Variants in SMAD5 observed in about 807,000 individuals in gnomAD.
SMAD5 encodes MAD, mothers against decapentaplegic homolog 5.
Under a neutral mutation model 43.1 loss-of-function variants are expected in SMAD5, and 9 were observed. The ratio of observed to expected loss-of-function variants is 0.21; its 90% CI spans 0.13 to 0.36. The LOEUF (loss-of-function observed/expected upper bound fraction) is 0.36. Ranked by LOEUF, SMAD5 falls within the 10% of genes least tolerant of loss-of-function variation. The probability of loss-of-function intolerance (pLI) is 1.00; values close to 1 mark genes in which losing one functional copy is unlikely to be tolerated. For missense variants in SMAD5, 348 were observed against 574.0 expected, an observed-to-expected ratio of 0.61 and a Z score of 4.02; for synonymous variants, 190 against 192.4, an observed-to-expected ratio of 0.99 and a Z score of 0.10.
Position 136,180,003 on chromosome 5 carries a change from C to T in SMAD5, c.*2523C>T, listed in dbSNP as rs1308300372. The T allele has an allele frequency of 6.6e-6, 1 of 152,108 alleles. No individual in the cohort carries two copies. The highest frequency in any genetic ancestry group is 2.4e-5 in the African/African-American group (1 of 41,430). 9.4% of individuals were successfully genotyped at this position (152,108 alleles called of 1,614,324 possible). A position where few individuals can be genotyped will look rare whatever the true frequency, so the allele number is the denominator to read the frequency against. On this transcript the variant is annotated 3_prime_UTR_variant, in exon 8 of 8. Coordinates refer to ENST00000545279, the MANE Select transcript of SMAD5 (RefSeq NM_005903.7). ...GTGATTGGCCTTTTCTTTGTTTTCT[C>T]TTAGGAGTTGTGTCTCATGAATGAC...
At chr5:136,160,007 G>T (rs972815345) in intron 3 of SMAD5, among the ~76,000 whole-genome samples, 2 of 152,202 alleles carry the variant, frequency 1.3e-5, no homozygotes. Context: ...TGAAGAATCA[G>T]GTTTGTTTCA....
chr5:136,152,901 TAAA>T (rs1009918918), intron 2 of SMAD5: 4 of 152,146 alleles, frequency 2.6e-5, no homozygotes, highest in Non-Finnish European at 5.9e-5. Flanking sequence ...AAATATCACT[TAAA>T]ATAAGCCGAT....
rs1434702076 is a variant in SMAD5 at position 136,143,866 on chromosome 5, G to GT, written c.-244-3964dup. 2.0e-5 allele frequency among the ~76,000 whole-genome samples: 3 copies of GT among 151,914 alleles called. No individual in the cohort carries two copies. In the East Asian group the frequency reaches 5.8e-4, roughly 29 times the overall value. ...AACCCCCTCAACCAACTTCTTGTCT[G>GT]TTACTGGCCATTTGCAACACAGTTA... On this transcript the variant is annotated intron_variant, in intron 1 of 7. Coordinates refer to ENST00000545279, the MANE Select transcript of SMAD5 (RefSeq NM_005903.7).
At chr5:136,158,812 T>C (rs1042576530) in intron 3 of SMAD5, among the ~76,000 whole-genome samples, 5 of 151,550 alleles carry the variant, frequency 3.3e-5, no homozygotes, top group African/African-American at 1.2e-4. Context: ...GGCAGGAGAA[T>C]GGCGTGAACC....
chr5:136,140,943 A>G (rs1198059473), intron 1 of SMAD5, among the ~76,000 whole-genome samples: 2 of 152,098 alleles, frequency 1.3e-5, no homozygotes, highest in African/African-American at 4.8e-5. Context: ...ACTGTTTTTT[A>G]AAGATTATAT....
Position 136,177,500 on chromosome 5 carries a change from ATTATATTGTTAGTGGAC to A in SMAD5, c.*23_*39del. On this transcript the variant is annotated 3_prime_UTR_variant, in exon 8 of 8. Coordinates refer to ENST00000545279, the MANE Select transcript of SMAD5 (RefSeq NM_005903.7). ...TCATAATGCAGAAGTATTCTTTTCA[ATTATATTGTTAGTGGAC>A]TTGTTTTAATTTTAGAGAAACTTTG... 6.3e-7 allele frequency: 1 copy of A among 1,578,808 alleles called. No individual in the cohort carries two copies. The highest frequency in any genetic ancestry group is 1.2e-5 in the South Asian group (1 of 86,068).
Position 136,163,431 on chromosome 5 carries a change from T to C in SMAD5, c.775+40T>C, listed in dbSNP as rs761821574. 5.3e-6 allele frequency: 8 copies of C among 1,511,398 alleles called. No homozygotes were observed. In the South Asian group the frequency reaches 1.1e-4, roughly 20 times the overall value. The allele number at this position is 1,511,398 out of a possible 1,614,324, so 93.6% of individuals were successfully genotyped here. On this transcript the variant is annotated intron_variant, in intron 5 of 7. Transcript: ENST00000545279. ...CACTTCATTTATTTTATAGTAGTAG[T>C]TGTTTTTAACTTATTGGCTACTTTT...
chr5:136,169,727 C>T (rs1754147526), intron 5 of SMAD5, among the ~76,000 whole-genome samples: 1 of 152,198 alleles, frequency 6.6e-6, no homozygotes, highest in African/African-American at 2.4e-5. Flanking sequence ...TATCATTTTG[C>T]ATTCCCAACT....
chr5:136,135,419 GTGA>G (rs1752840207), intron 1 of SMAD5, among the ~76,000 whole-genome samples: 1 of 152,180 alleles, frequency 6.6e-6, no homozygotes. Context: ...ATGATTTGCA[GTGA>G]TGATCTTTTT....
At chr5:136,157,211 G>A (rs1405181254) in intron 3 of SMAD5, among the ~76,000 whole-genome samples, 1 of 152,110 alleles carries the variant, frequency 6.6e-6, no homozygotes. Flanking sequence ...TGCTCACACA[G>A]TTAGAATATA....
Position 136,161,114 on chromosome 5 carries a change from CTTTAT to C in SMAD5, c.655+14_655+18del, listed in dbSNP as rs1561651171. 6 of 1,602,278 alleles carry C rather than the reference CTTTAT, an allele frequency of 3.7e-6. No individual in the cohort carries two copies. The highest frequency in any genetic ancestry group is 3.4e-5 in the Admixed American group (2 of 58,564). ...AGTCCATTTCAGCTCCCAGGTAAGA[CTTTAT>C]TTTATTGATACCAAAAAAAAAAAAA... is the stretch of plus-strand genomic sequence containing the variant. On this transcript the variant is annotated splice_region_variant and intron_variant, in intron 4 of 7. Coordinates refer to ENST00000545279, the MANE Select transcript of SMAD5 (RefSeq NM_005903.7).
At chr5:136,134,073 A>T in intron 1 of SMAD5, 1 of 141,684 alleles carries the variant, frequency 7.1e-6, no homozygotes, top group Non-Finnish European at 1.5e-5. Flanking sequence ...GGGAGGGAGC[A>T]ATTTTGGTTG....
chr5:136,170,244 A>G (rs1010360049), intron 5 of SMAD5, among the ~76,000 whole-genome samples: 3 of 152,090 alleles, frequency 2.0e-5, no homozygotes, highest in Non-Finnish European at 4.4e-5. Context: ...TCTGTAATCC[A>G]TCTTGGGTCA....
At chr5:136,143,544 T>C (rs1753160891) in intron 1 of SMAD5, among the ~76,000 whole-genome samples, 1 of 152,124 alleles carries the variant, frequency 6.6e-6, no homozygotes, top group Admixed American at 6.6e-5. Context: ...CTTTCCCTTT[T>C]GCTTCACAGT....
chr5:136,137,709 C>A (rs1345229708), intron 1 of SMAD5, among the ~76,000 whole-genome samples: 1 of 152,156 alleles, frequency 6.6e-6, no homozygotes, highest in Non-Finnish European at 1.5e-5. Flanking sequence ...TCTTCTTAGT[C>A]ACATCTTCTG....
chr5:136,156,480 A>G (rs1232125785), intron 3 of SMAD5, among the ~76,000 whole-genome samples: 3 of 152,368 alleles, frequency 2.0e-5, no homozygotes, highest in South Asian at 4.1e-4. Flanking sequence ...AAAGGATAGC[A>G]GATAGCAGTG....
chr5:136,171,426 G>A (rs1051018827), intron 5 of SMAD5, among the ~76,000 whole-genome samples: 2 of 152,176 alleles, frequency 1.3e-5, no homozygotes, highest in African/African-American at 4.8e-5. Flanking sequence ...TTCATGTTTT[G>A]AACCAAGGCC....
intron 2 of SMAD5, among the ~76,000 whole-genome samples, chr5:136,150,576 G>A (rs1753422066): frequency 6.6e-6 from 1 of 151,882 alleles, no homozygotes; most frequent in Non-Finnish European, 1.5e-5. Flanking sequence ...GCATTGGGTG[G>A]TAAAGGAAGT....
intron 3 of SMAD5, among the ~76,000 whole-genome samples, chr5:136,156,115 C>G (rs1371548093): frequency 6.6e-6 from 1 of 152,196 alleles, no homozygotes; most frequent in Non-Finnish European, 1.5e-5. Flanking sequence ...AGGGAAGGAT[C>G]TGCTTCCAAG....
Sources: allele counts gnomAD v4.1 joint callset (sites outside exome capture counted in the v4.1 genomes callset), GRCh38; gene constraint gnomAD v4.1.1; transcripts MANE v1.5; gene names NCBI Gene and HGNC (gene_info 2026-07-23, HGNC 2026-07-21).